The following GPC5 variants were observed in gnomAD, a reference collection of about 807,000 sequenced individuals.
GPC5 encodes the protein glypican-5.
Under a neutral mutation model 53.9 loss-of-function variants are expected in GPC5, and 47 were observed. The ratio of observed to expected loss-of-function variants is 0.87; its 90% CI spans 0.69 to 1.11. The LOEUF is 1.11. Ranked by LOEUF, GPC5 falls within the 50% of genes most tolerant of loss-of-function variation. GPC5 has a pLI of 0.00. For synonymous variants in GPC5, 286 were observed against 263.3 expected (o/e 1.09, Z -0.84); for missense variants, 748 against 713.1 (o/e 1.05, Z -0.56).
At chr13:91,719,281 G>A (rs1427239303) in intron 3 of GPC5, among the ~76,000 whole-genome samples, 2 of 152,248 alleles carry the variant, frequency 1.3e-5, no homozygotes, top group South Asian at 2.1e-4. Context: ...CTCCACAGAT[G>A]TGCAAGCTGC....
At chr13:92,585,062 A>AG (rs1883495596) in intron 7 of GPC5, among the ~76,000 whole-genome samples, 1 of 152,112 alleles carries the variant, frequency 6.6e-6, no homozygotes, top group Non-Finnish European at 1.5e-5. Context: ...GCAGTGTGAA[A>AG]GGGAAATGTG....
intron 7 of GPC5, among the ~76,000 whole-genome samples, chr13:92,731,219 G>A (rs1259853647): frequency 3.3e-5 from 5 of 151,416 alleles, no homozygotes; most frequent in African/African-American, 9.7e-5. Flanking sequence ...CAGATGGAAT[G>A]TAAGAAGAAG....
intron 7 of GPC5, among the ~76,000 whole-genome samples, chr13:92,597,279 A>T (rs536179453): frequency 2.5e-3 from 369 of 148,002 alleles, no homozygotes; most frequent in African/African-American, 7.9e-3. Flanking sequence ...TTTTTTTTTA[A>T]AAAGGATGTA....
chr13:92,632,463 C>T (rs9523735), intron 7 of GPC5, among the ~76,000 whole-genome samples: 37,950 of 119,832 alleles, frequency 0.32, 6,777 homozygotes, highest in East Asian at 0.54. Context: ...AAATATTCCA[C>T]ATATATATAT....
At chr13:92,470,183 T>C (rs1878854544) in intron 7 of GPC5, among the ~76,000 whole-genome samples, 1 of 152,238 alleles carries the variant, frequency 6.6e-6, no homozygotes, top group African/African-American at 2.4e-5. Flanking sequence ...GAAAGATGAA[T>C]ATACACATGC....
At chr13:91,577,883 C>T (rs1164140906) in intron 2 of GPC5, among the ~76,000 whole-genome samples, 1 of 152,172 alleles carries the variant, frequency 6.6e-6, no homozygotes, top group East Asian at 1.9e-4. Flanking sequence ...ACATTCCTTT[C>T]GAAAGATGGA....
At chr13:92,456,045 C>T (rs1209087056) in intron 7 of GPC5, among the ~76,000 whole-genome samples, 1 of 152,138 alleles carries the variant, frequency 6.6e-6, no homozygotes, top group African/African-American at 2.4e-5. Flanking sequence ...AATAAATCAC[C>T]ATATTTTAAT....
At chr13:92,771,226 C>A (rs1480717104) in intron 7 of GPC5, among the ~76,000 whole-genome samples, 1 of 152,118 alleles carries the variant, frequency 6.6e-6, no homozygotes, top group African/African-American at 2.4e-5. Context: ...TCCTTGCAGC[C>A]TGTTGGGGCT....
At chr13:92,092,530 G>T (rs576763476) in intron 6 of GPC5, among the ~76,000 whole-genome samples, 1 of 152,078 alleles carries the variant, frequency 6.6e-6, no homozygotes, top group Non-Finnish European at 1.5e-5. Flanking sequence ...TCAAGCAGTT[G>T]AGTTCACTAA....
chr13:92,090,977 T>C (rs549931725), intron 6 of GPC5, among the ~76,000 whole-genome samples: 57 of 152,330 alleles, frequency 3.7e-4, no homozygotes, highest in Middle Eastern at 3.4e-3. Context: ...CATGTGAAGA[T>C]ATAGTCAGAA....
At chr13:92,231,406 A>T (rs972166823) in intron 7 of GPC5, among the ~76,000 whole-genome samples, 3 of 152,124 alleles carry the variant, frequency 2.0e-5, no homozygotes, top group African/African-American at 7.2e-5. Context: ...TCCCAATTCA[A>T]TATAGTCAAC....
intron 2 of GPC5, among the ~76,000 whole-genome samples, chr13:91,454,896 A>G (rs1881430506): frequency 6.6e-6 from 1 of 152,106 alleles, no homozygotes; most frequent in Non-Finnish European, 1.5e-5. Context: ...AGCTGGGACT[A>G]CAGCCATGCT....
chr13:91,459,882 A>G (rs1182529340), intron 2 of GPC5, among the ~76,000 whole-genome samples: 2 of 152,194 alleles, frequency 1.3e-5, no homozygotes, highest in Non-Finnish European at 2.9e-5. Context: ...ACAACAAAAC[A>G]TATTGCCAAT....
chr13:92,477,195 T>A (rs1269910036), intron 7 of GPC5, among the ~76,000 whole-genome samples: 2 of 152,184 alleles, frequency 1.3e-5, no homozygotes, highest in African/African-American at 4.8e-5. Context: ...CAGGAAACTA[T>A]GGCTTTATAT....
rs768937548 is a variant in GPC5 at position 91,399,192 on chromosome 13, C to G, written c.146C>G (p.Pro49Arg). Residue 49 changes from proline to arginine, a missense_variant, in exon 1 of 8, where the codon CCG becomes CGG. Pro to Arg is a moderately radical substitution (Grantham distance 103). Transcript: ENST00000377067. ...WRLLGAVRGL[P>R]DSPRAGPDLQ... ...CTGCTGGGAGCTGTCAGGGGGCTGCCGGATTCGCCGCGGGCAGGTAAGGGG... is the reference window on the plus strand; with the variant it reads ...CTGCTGGGAGCTGTCAGGGGGCTGCGGGATTCGCCGCGGGCAGGTAAGGGG... 1.2e-6 allele frequency: 2 copies of G among 1,612,222 alleles called. No individual in the cohort carries two copies. The highest frequency in any genetic ancestry group is 2.2e-5 in the South Asian group (2 of 90,960).
chr13:92,472,358 G>A (rs1024682157), intron 7 of GPC5, among the ~76,000 whole-genome samples: 17 of 152,002 alleles, frequency 1.1e-4, no homozygotes. Flanking sequence ...GCTACTCCTG[G>A]TCTGCTGGAG....
At chr13:92,180,804 A>G in intron 7 of GPC5, 1 of 232,928 alleles carries the variant, frequency 4.3e-6, no homozygotes, top group Non-Finnish European at 8.7e-6. Context: ...TTTCTTGTTA[A>G]TTTTCTTTCC....
intron 5 of GPC5, among the ~76,000 whole-genome samples, chr13:91,817,195 T>A (rs2038413388): frequency 6.6e-6 from 1 of 152,164 alleles, no homozygotes; most frequent in African/African-American, 2.4e-5. Context: ...TGACATATTG[T>A]TCTATCTTTC....
rs189596913 is a variant in GPC5, at chr13:92,378,469, T to C, written c.1561+233480T>C. On this transcript the variant is annotated intron_variant, in intron 7 of 7. Coordinates refer to ENST00000377067, the MANE Select transcript of GPC5 (RefSeq NM_004466.6). ...CTTTTTAAACAAGTTATTTCCAGGC[T>C]TTAGCCCAACTTGAGGTTATAAATT... Among the ~76,000 whole-genome samples the C allele has an allele frequency of 1.9e-3, 287 of 152,304 alleles. 2 individuals are homozygous for C. Among genetic ancestry groups the C allele is most frequent in the African/African-American group, 6.6e-3 (276 of 41,572 alleles).
Sources: gnomAD v4.1 joint callset for allele counts (sites outside exome capture counted in the v4.1 genomes callset) on GRCh38, gnomAD v4.1.1 for gene constraint, MANE v1.5 for transcripts, NCBI Gene and HGNC (gene_info 2026-07-23, HGNC 2026-07-21) for gene names.